The following IFT122 variants were observed in gnomAD, a reference collection of about 807,000 sequenced individuals.
IFT122 encodes the protein intraflagellar transport protein 122 homolog.
Under a neutral mutation model 161.6 loss-of-function variants are expected in IFT122, and 118 were observed. That is an observed-to-expected ratio of 0.73 (90% CI 0.63 to 0.85). IFT122 has a LOEUF of 0.85. Ranked by LOEUF, IFT122 falls within the 40% of genes least tolerant of loss-of-function variation. The pLI is 0.00. For synonymous variants in IFT122, 550 were observed against 602.4 expected (o/e 0.91, Z 1.27); for missense variants, 1,381 against 1,579.6 (o/e 0.87, Z 2.13).
Position 129,479,902 on chromosome 3 carries a change from G to A in IFT122, c.1468G>A (p.Val490Met). The A allele has an allele frequency of 6.2e-7, 1 of 1,614,006 alleles. No individual in the cohort carries two copies. Among genetic ancestry groups the A allele is most frequent in the Non-Finnish European group, 8.5e-7 (1 of 1,179,998 alleles). Residue 490 changes from valine to methionine, a missense_variant, in exon 13 of 30, where the codon GTG becomes ATG. Physicochemically the swap from Val to Met is conservative, Grantham distance 21. Around this residue, in one of 7 missense-constraint regions of IFT122, gnomAD observed 544 missense variants for 648.0 expected, o/e 0.84. Transcript: ENST00000348417. ...CCCTCCTGGAAGAGAAGGCCTCTTA[G>A]TGGGGCTGAAGAATGGACAGGTGAG... ...GGPPGREGLL[V>M]GLKNGQILKI...
At chr3:129,479,441 CAAAT>C (rs967481127) in intron 12 of IFT122, among the ~76,000 whole-genome samples, 1 of 151,710 alleles carries the variant, frequency 6.6e-6, no homozygotes, top group African/African-American at 2.4e-5. Flanking sequence ...GTCTCAAAAA[CAAAT>C]AATAAATAAA....
Position 129,463,454 on chromosome 3 carries a change from C to T in IFT122, c.350-106C>T, listed in dbSNP as rs575543198. Reference sequence around the variant, plus strand: ...TATGTTTTTTCATTCAGCATAAAATCCTGGAGATCCATCTAAGTTGTTGTA... The same window carrying T: ...TATGTTTTTTCATTCAGCATAAAATTCTGGAGATCCATCTAAGTTGTTGTA... On this transcript the variant is annotated intron_variant, in intron 5 of 29. Transcript: ENST00000348417. The T allele has an allele frequency of 4.6e-6, 4 of 863,534 alleles. No homozygotes were observed. The Admixed American group carries it at 7.3e-5, about 16-fold the overall frequency. The allele number at this position is 863,534 out of a possible 1,614,324, so 53.5% of individuals were successfully genotyped here.
intron 1 of IFT122, among the ~76,000 whole-genome samples, chr3:129,445,592 G>T (rs906222151): frequency 1.3e-5 from 2 of 152,216 alleles, no homozygotes; most frequent in African/African-American, 4.8e-5. Context: ...TAACAGATTT[G>T]ACATACTTGG....
chr3:129,512,168 G>T (rs528142799), intron 23 of IFT122, 144 bp from the exon 24 acceptor site: 2 of 745,544 alleles, frequency 2.7e-6, no homozygotes, highest in Non-Finnish European at 4.9e-6. Flanking sequence ...GCTATATGGC[G>T]CTCAGCACAC....
In IFT122 at chr3:129,520,191, G is replaced by T; in HGVS notation, c.3652G>T (p.Asp1218Tyr). 1 of 1,612,244 alleles carries T rather than the reference G, an allele frequency of 6.2e-7. No individual in the cohort carries two copies. Among genetic ancestry groups the T allele is most frequent in the South Asian group, 1.1e-5 (1 of 90,886 alleles). Reference sequence around the variant, plus strand: ...CTTCCCTTAGATGTTCCATTCTGAGGACTATGAGTTGCTGGTGCTTCAGCA... The same window carrying T: ...CTTCCCTTAGATGTTCCATTCTGAGTACTATGAGTTGCTGGTGCTTCAGCA... ...PSCFQMFHSE[D>Y]YELLVLQHGC... is the part of the protein sequence containing the mutation. The change falls in exon 30 of 30, where the codon GAC becomes TAC. Residue 1218 changes from aspartate to tyrosine, a missense_variant. Transcript: ENST00000348417.
rs780083815 is a variant in IFT122, at chr3:129,485,816, G to A, written c.1851+2134G>A. Among the ~76,000 whole-genome samples, 5 of 152,250 alleles carry A rather than the reference G, an allele frequency of 3.3e-5. No homozygotes were observed. The East Asian group carries it at 5.8e-4, about 18-fold the overall frequency. ...ACTGCACCAAGGCCATCCTGCTGAC[G>A]CAGCGGGTCAGGACTGCCAAGGGTT... On this transcript the variant is annotated intron_variant, in intron 15 of 29. Transcript: ENST00000348417.
chr3:129,498,033 A>G (rs781529023), intron 18 of IFT122, among the ~76,000 whole-genome samples: 1 of 152,240 alleles, frequency 6.6e-6, no homozygotes, highest in African/African-American at 2.4e-5. Context: ...GTTTAGTCTC[A>G]TTCATCACTC....
chr3:129,458,617 G>T lies in IFT122; in HGVS notation c.212G>T (p.Gly71Val). Reference sequence around the variant, plus strand: ...CTTTTAGGCAAGCGCTTTGCTTCTGGATCAGCTGACAAAAGCGTTATTATC... The same window carrying T: ...CTTTTAGGCAAGCGCTTTGCTTCTGTATCAGCTGACAAAAGCGTTATTATC... ...YAKDGKRFAS[G>V]SADKSVIIWT... is the part of the protein sequence containing the mutation. The change falls in exon 4 of 30, where the codon GGA (glycine) becomes GTA (valine). Residue 71 changes from glycine to valine, a missense_variant. Coordinates refer to ENST00000348417, the MANE Select transcript of IFT122 (RefSeq NM_052989.3). 6.2e-7 allele frequency: 1 copy of T among 1,614,044 alleles called. No individual in the cohort carries two copies. The highest frequency in any genetic ancestry group is 1.1e-5 in the South Asian group (1 of 91,076).
At chr3:129,461,105 C>A in intron 4 of IFT122, 123 bp from the exon 5 acceptor site, 1 of 956,064 alleles carries the variant, frequency 1.0e-6, no homozygotes, top group Non-Finnish European at 1.7e-6. Flanking sequence ...TTTTGTTGGT[C>A]ACTTGCAGAA....
At position 129,502,907 on chromosome 3, in the gene IFT122, G is replaced by A. The variant is rs1222912212; in HGVS notation, c.2547+25G>A. On this transcript the variant is annotated intron_variant, in intron 20 of 29. Transcript: ENST00000348417. ...GGTGAGGGGAAAGCAGGCCTCATGG[G>A]CTGGGGCCCCACCTGAGCCCTGGGA... The A allele has an allele frequency of 2.5e-6, 4 of 1,604,442 alleles. No individual in the cohort carries two copies. The South Asian group carries it at 4.4e-5, about 18-fold the overall frequency.
intron 17 of IFT122, among the ~76,000 whole-genome samples, chr3:129,495,094 G>A (rs1007586262): frequency 5.3e-5 from 8 of 152,170 alleles, no homozygotes; most frequent in African/African-American, 1.2e-4. Flanking sequence ...CGGGGCCTGC[G>A]GATTTGGGAG....
intron 27 of IFT122, 56 bp from the exon 28 acceptor site, chr3:129,519,051 G>T (rs2084390412): frequency 2.8e-6 from 4 of 1,441,982 alleles, no homozygotes. Context: ...TAGGGTGGAG[G>T]CTAGGGTCTG....
chr3:129,444,977 A>G (rs1686271981), intron 1 of IFT122, among the ~76,000 whole-genome samples: 1 of 152,228 alleles, frequency 6.6e-6, no homozygotes, highest in South Asian at 2.1e-4. Flanking sequence ...TATGCCAACA[A>G]TGATAATGGC....
At chr3:129,518,753 T>G (rs2084339074) in intron 27 of IFT122, among the ~76,000 whole-genome samples, 1 of 152,140 alleles carries the variant, frequency 6.6e-6, no homozygotes, top group African/African-American at 2.4e-5. Context: ...CTCTCGCCCC[T>G]GTCTGCTCCA....
chr3:129,466,801 C>A, intron 7 of IFT122, 89 bp from the exon 8 acceptor site: 1 of 1,299,986 alleles, frequency 7.7e-7, no homozygotes, highest in Non-Finnish European at 1.1e-6. Context: ...CTGCACCTGG[C>A]CCCCAGGGGC....
chr3:129,497,102 G>A (rs1577916570), intron 18 of IFT122, among the ~76,000 whole-genome samples: 1 of 152,100 alleles, frequency 6.6e-6, no homozygotes, highest in East Asian at 1.9e-4. Flanking sequence ...GCAATATGGT[G>A]AAACCCTCTC....
chr3:129,511,045 T>C (rs1331555108), intron 23 of IFT122, among the ~76,000 whole-genome samples: 1 of 152,138 alleles, frequency 6.6e-6, no homozygotes, highest in African/African-American at 2.4e-5. Context: ...GGTCACAGCC[T>C]GTGCAAAGGC....
intron 3 of IFT122, chr3:129,457,949 A>G (rs1239750843): frequency 6.3e-5 from 10 of 157,488 alleles, no homozygotes; most frequent in Admixed American, 3.9e-4. Context: ...CGTGTTGGCC[A>G]GGATGGTCTC....
chr3:129,460,810 T>C (rs775935913), intron 4 of IFT122: 2 of 1,512,008 alleles, frequency 1.3e-6, no homozygotes, highest in Admixed American at 1.7e-5. Context: ...GGTACATGAT[T>C]TGCTCAGCTT....
Sources: allele counts gnomAD v4.1 joint callset (sites outside exome capture counted in the v4.1 genomes callset), GRCh38; gene constraint gnomAD v4.1.1; regional missense constraint gnomAD v4.1.1; transcripts MANE v1.5; gene names NCBI Gene and HGNC (gene_info 2026-07-23, HGNC 2026-07-21).